CROCC: variants seen among roughly 807,000 people sequenced by gnomAD.
The protein encoded by CROCC is rootletin.
In CROCC, 180 loss-of-function variants were observed where a neutral mutation model predicts 245.2. That is an observed-to-expected ratio of 0.73 (90% confidence interval 0.65 to 0.83). The LOEUF (loss-of-function observed/expected upper bound fraction) is 0.83, where lower values mean the gene tolerates loss of function less well. CROCC is among the 40% of genes least tolerant of loss of function. CROCC has a pLI of 0.00. For missense variants in CROCC, 2,688 were observed against 2,779.4 expected, an observed-to-expected ratio of 0.97 and a Z score of 0.74; for synonymous variants, 1,205 against 1,241.6, an observed-to-expected ratio of 0.97 and a Z score of 0.62.
chr1:16,964,236 C>T (rs1175820435), intron 27 of CROCC, among the ~76,000 whole-genome samples: 1 of 148,402 alleles, frequency 6.7e-6, no homozygotes, highest in Non-Finnish European at 1.5e-5. Context: ...GGTTCAAGTG[C>T]TTTTCCTGCC....
At chr1:16,925,854 C>T (rs1354934338) in intron 3 of CROCC, among the ~76,000 whole-genome samples, 4 of 152,196 alleles carry the variant, frequency 2.6e-5, no homozygotes, top group Non-Finnish European at 2.9e-5. Flanking sequence ...GGGTCTGCAG[C>T]GGGTGTGTAG....
rs748694460 is a variant in CROCC, at chr1:16,969,116, G to A, written c.5077G>A (p.Val1693Met). The A allele has an allele frequency of 6.3e-7, 1 of 1,596,054 alleles. No homozygotes were observed. Among genetic ancestry groups the A allele is most frequent in the Non-Finnish European group, 8.5e-7 (1 of 1,172,164 alleles). ...QDRVDSLQRQ[V>M]ADSEVKAGTL... ...ATTGTTCTGGCTGTCCTCCTGCCAG[G>A]TGGCCGACAGCGAGGTGAAGGCAGG... is the stretch of plus-strand genomic sequence containing the variant. The change falls in exon 32 of 37, where the codon GTG becomes ATG. Residue 1693 changes from valine to methionine, a missense_variant and splice_region_variant. Transcript: ENST00000375541.
Position 16,966,896 on chromosome 1 carries a change from T to G in CROCC, c.4860+325T>G, listed in dbSNP as rs541968371. Among the ~76,000 whole-genome samples the G allele has an allele frequency of 1.3e-5, 2 of 152,014 alleles. No individual in the cohort carries two copies. Among genetic ancestry groups the G allele is most frequent in the South Asian group, 2.1e-4 (1 of 4,810 alleles). ...GCAACATGGTGAAACCCCGTCTCTA[T>G]GAAAAATACTTAGCTGGGCATGGTG... On this transcript the variant is annotated intron_variant, in intron 30 of 36. Coordinates refer to ENST00000375541, the MANE Select transcript of CROCC (RefSeq NM_014675.5). The surrounding 1 kb of genome is among the most constrained non-coding windows in gnomAD (Gnocchi z 4.8).
rs1356702074 is a variant in CROCC, at chr1:16,930,143, G to A, written c.557G>A (p.Arg186Lys). 6 of 1,594,640 alleles carry A rather than the reference G, an allele frequency of 3.8e-6. No individual in the cohort carries two copies. Among genetic ancestry groups the A allele is most frequent in the Non-Finnish European group, 4.3e-6 (5 of 1,171,116 alleles). The change falls in exon 5 of 37, where the codon AGG becomes AAG. Residue 186 changes from arginine (R) to lysine (K), a missense_variant. Around this residue, in one of 9 missense-constraint regions of CROCC, gnomAD observed 972 missense variants for 895.3 expected, o/e 1.09. Transcript: ENST00000375541. Reference protein sequence around the residue: ...LQGKILQYKKRCSELEQQLLE... With the variant: ...LQGKILQYKKKCSELEQQLLE... ...CCCCAGATTCTCCAGTACAAGAAGA[G>A]GTGCTCGGAGCTGGAGCAGCAGCTG...
rs1351707629 is a variant in CROCC, at chr1:16,962,991, A to G, written c.4405+1861A>G. 2.0e-5 allele frequency among the ~76,000 whole-genome samples: 3 copies of G among 151,514 alleles called. No homozygotes were observed. In the East Asian group the frequency reaches 5.9e-4, roughly 30 times the overall value. On this transcript the variant is annotated intron_variant, in intron 27 of 36. Coordinates refer to ENST00000375541, the MANE Select transcript of CROCC (RefSeq NM_014675.5). ...GAGGCCAGGAGTTCAAGACCAGCCTAGCCAACATGGTGAAACCCTGTCTCT... is the reference window on the plus strand; with the variant it reads ...GAGGCCAGGAGTTCAAGACCAGCCTGGCCAACATGGTGAAACCCTGTCTCT...
chr1:16,919,116 G>T (rs1274213636), upstream of CROCC, among the ~76,000 whole-genome samples: 26 of 152,408 alleles, frequency 1.7e-4, no homozygotes, highest in Admixed American at 1.4e-3. Flanking sequence ...CCTGTTTCTT[G>T]GTTTTCCATT....
chr1:16,969,913 C>G lies in CROCC; in HGVS notation c.5430C>G (p.Gly1810=). The G allele has an allele frequency of 6.2e-7, 1 of 1,602,742 alleles. No homozygotes were observed. ...AACTGCAGCGGGTGGAGGCCGAGGG[C>G]CAGCTACAACAGCTACGGGAGGTGA... ...DLELQRVEAE[G]QLQQLREVLR... Residue 1810 remains glycine (G), a synonymous_variant, in exon 33 of 37, where the codon GGC becomes GGG. Coordinates refer to ENST00000375541, the MANE Select transcript of CROCC (RefSeq NM_014675.5).
At chr1:16,941,814 G>C (rs1471934030) in intron 13 of CROCC, among the ~76,000 whole-genome samples, 1 of 152,174 alleles carries the variant, frequency 6.6e-6, no homozygotes, top group Non-Finnish European at 1.5e-5. Flanking sequence ...CATGGCCATA[G>C]AACATTTCTG....
intron 18 of CROCC, 125 bp from the exon 19 acceptor site, chr1:16,948,674 G>A (rs1385641379): frequency 3.9e-6 from 6 of 1,531,426 alleles, no homozygotes; most frequent in East Asian, 2.3e-5. Flanking sequence ...CTTCCCCAGG[G>A]AGTGTGGGCC....
At chr1:16,951,427 A>G (rs1203347644) in intron 20 of CROCC, 10 of 206,160 alleles carry the variant, frequency 4.9e-5, no homozygotes, top group Non-Finnish European at 9.7e-5. Context: ...CTGTTTGCAT[A>G]TGAAGAGCCA....
chr1:16,921,797 GCTCC>G (rs2075410631), upstream of CROCC, among the ~76,000 whole-genome samples: 3 of 151,800 alleles, frequency 2.0e-5, no homozygotes, highest in South Asian at 6.3e-4. Flanking sequence ...TCTTCCTTTG[GCTCC>G]CTGCCTCTGC....
intron 3 of CROCC, among the ~76,000 whole-genome samples, chr1:16,927,263 C>A (rs1258846039): frequency 6.6e-6 from 1 of 152,266 alleles, no homozygotes; most frequent in Non-Finnish European, 1.5e-5. Context: ...ACAGTCCCCC[C>A]ACCACCGGGG....
Position 16,971,063 on chromosome 1 carries a change from G to A in CROCC, c.5784+296G>A, listed in dbSNP as rs2076509093. Reference sequence around the variant, plus strand: ...ATGGAGCATGAATCTTGTGCATGGTGTGGCGTGTCTAGGTATTATGAATAT... The same window carrying A: ...ATGGAGCATGAATCTTGTGCATGGTATGGCGTGTCTAGGTATTATGAATAT... On this transcript the variant is annotated intron_variant, in intron 35 of 36. Coordinates refer to ENST00000375541, the MANE Select transcript of CROCC (RefSeq NM_014675.5). 4 of 446,584 alleles carry A rather than the reference G, an allele frequency of 9.0e-6. No homozygotes were observed. In the Admixed American group the frequency reaches 1.2e-4, roughly 13 times the overall value. 27.7% of individuals were successfully genotyped at this position (446,584 alleles called of 1,614,324 possible). A position where few individuals can be genotyped will look rare whatever the true frequency, so the allele number is the denominator to read the frequency against.
chr1:16,951,242 G>C, intron 20 of CROCC, 120 bp downstream of exon 20: 1 of 914,480 alleles, frequency 1.1e-6, no homozygotes, highest in Non-Finnish European at 1.5e-6. Context: ...GAGGTCCTGG[G>C]GACAGCTAGG....
At chr1:16,961,195 A>T in intron 27 of CROCC, 65 bp downstream of exon 27, 5 of 1,240,342 alleles carry the variant, frequency 4.0e-6, no homozygotes, top group Non-Finnish European at 5.1e-6. Flanking sequence ...CCCCGCCCCC[A>T]CATGGCAGGG....
intron 8 of CROCC, 36 bp downstream of exon 8, chr1:16,931,433 G>A (rs749044956): frequency 6.5e-7 from 1 of 1,548,794 alleles, no homozygotes; most frequent in Admixed American, 1.7e-5. Context: ...GCAGCTGAGA[G>A]CCAGCCCTGC....
At chr1:16,942,618 C>G (rs571243797) in intron 13 of CROCC, among the ~76,000 whole-genome samples, 1 of 152,382 alleles carries the variant, frequency 6.6e-6, no homozygotes, top group Admixed American at 6.5e-5. Flanking sequence ...CAATTCGGAA[C>G]TCTGTTGTTG....
Position 16,961,012 on chromosome 1 carries a change from G to C in CROCC, c.4287G>C (p.Ala1429=), listed in dbSNP as rs1208119952. 2 of 1,303,974 alleles carry C rather than the reference G, an allele frequency of 1.5e-6. No individual in the cohort carries two copies. The highest frequency in any genetic ancestry group is 6.3e-5 in the East Asian group (2 of 31,650). The allele number at this position is 1,303,974 out of a possible 1,614,324, so 80.8% of individuals were successfully genotyped here. ...GCGTGGAGGTGCAGCGGCGCGCGGC[G>C]GAGGCCCAGCTGGGTGGCCTGCGCT... ...LARVEVQRRA[A]EAQLGGLRSA... The change falls in exon 27 of 37, where the codon GCG becomes GCC. Residue 1429 remains alanine (A), a synonymous_variant. Coordinates refer to ENST00000375541, the MANE Select transcript of CROCC (RefSeq NM_014675.5).
rs1414894443 is a variant in CROCC at position 16,930,153 on chromosome 1, G to C, written c.567G>C (p.Glu189Asp). 2 of 1,594,466 alleles carry C rather than the reference G, an allele frequency of 1.3e-6. No individual in the cohort carries two copies. The highest frequency in any genetic ancestry group is 1.3e-5 in the African/African-American group (1 of 74,522). The stretch of plus-strand genomic sequence containing the variant: ...TCCAGTACAAGAAGAGGTGCTCGGA[G>C]CTGGAGCAGCAGCTGCTGGAGAGAT... Reference protein sequence around the residue: ...KILQYKKRCSELEQQLLERSG... With the variant: ...KILQYKKRCSDLEQQLLERSG... The change falls in exon 5 of 37, where the codon GAG becomes GAC. Residue 189 changes from glutamate (E) to aspartate (D), a missense_variant. Coordinates refer to ENST00000375541, the MANE Select transcript of CROCC (RefSeq NM_014675.5).
Sources: gnomAD v4.1 joint callset for allele counts (sites outside exome capture counted in the v4.1 genomes callset) on GRCh38, gnomAD v4.1.1 for gene constraint, gnomAD v4.1.1 regional missense constraint, Gnocchi (gnomAD v3.1) non-coding constraint, MANE v1.5 for transcripts, NCBI Gene and HGNC (gene_info 2026-07-23, HGNC 2026-07-21) for gene names.